The following MACC1 variants were observed in gnomAD, a reference collection of about 807,000 sequenced individuals.
MACC1 encodes metastasis-associated in colon cancer protein 1.
In MACC1, 79 loss-of-function variants were observed where a neutral mutation model predicts 70.7. That is an observed-to-expected ratio of 1.12 (90% CI 0.93 to 1.35). The LOEUF (loss-of-function observed/expected upper bound fraction) is 1.35, where lower values mean the gene tolerates loss of function less well. MACC1 is among the 40% of genes most tolerant of loss of function. The pLI, the probability that MACC1 is intolerant of heterozygous loss-of-function variation, is 0.00. For missense variants in MACC1, 1,106 were observed against 978.1 expected (o/e 1.13, Z -1.74); for synonymous variants, 361 against 347.2 (o/e 1.04, Z -0.44).
Position 20,160,250 on chromosome 7 carries a change from T to C in MACC1, c.116-5A>G, listed in dbSNP as rs1365970575. 3 of 1,537,494 alleles carry C rather than the reference T, an allele frequency of 2.0e-6. No homozygotes were observed. The highest frequency in any genetic ancestry group is 2.6e-6 in the Non-Finnish European group (3 of 1,149,558). On this transcript the variant is annotated splice_region_variant and splice_polypyrimidine_tract_variant and intron_variant, in intron 4 of 6. Coordinates refer to ENST00000400331, the MANE Select transcript of MACC1 (RefSeq NM_182762.4). ...GCAAGTCTGGGTCCTGGCATTCTTGTTATTTAAGGAAAGACAAAGCAAAAC... is the reference window on the plus strand; with the variant it reads ...GCAAGTCTGGGTCCTGGCATTCTTGCTATTTAAGGAAAGACAAAGCAAAAC...
chr7:20,159,818 A>C lies in MACC1; in HGVS notation c.543T>G (p.Ala181=). The change falls in exon 5 of 7, where the codon GCT becomes GCG. Residue 181 remains alanine, a synonymous_variant. Transcript: ENST00000400331. ...LKNDREAYKM[A]WLSQRQLARS... is the part of the protein sequence containing the mutation. ...GGGCCAGCTGGCGTTGACTTAACCA[A>C]GCCATTTTATAAGCCTCCCGATCAT... 6.2e-7 allele frequency: 1 copy of C among 1,614,148 alleles called. No individual in the cohort carries two copies. The highest frequency in any genetic ancestry group is 8.5e-7 in the Non-Finnish European group (1 of 1,180,030).
chr7:20,190,461 T>C (rs1020472595), intron 1 of MACC1, among the ~76,000 whole-genome samples: 14 of 152,236 alleles, frequency 9.2e-5, no homozygotes, highest in Admixed American at 3.3e-4. Context: ...TGAAAAACTT[T>C]CTCAATATAA....
intron 6 of MACC1, among the ~76,000 whole-genome samples, chr7:20,147,234 G>A (rs1265567348): frequency 1.3e-5 from 2 of 152,156 alleles, no homozygotes; most frequent in Admixed American, 1.3e-4. Context: ...AGACTCATTA[G>A]AAAATGCACT....
intron 1 of MACC1, among the ~76,000 whole-genome samples, chr7:20,188,612 A>G (rs1234725290): frequency 1.3e-5 from 2 of 152,088 alleles, no homozygotes; most frequent in Non-Finnish European, 2.9e-5. Context: ...GCACACACAC[A>G]AAGTACTTTC....
In MACC1 at chr7:20,140,789, A is replaced by T; in HGVS notation, c.*157T>A. 1.9e-6 allele frequency: 1 copy of T among 525,748 alleles called. No individual in the cohort carries two copies. The highest frequency in any genetic ancestry group is 3.2e-6 in the Non-Finnish European group (1 of 315,722). 32.6% of individuals were successfully genotyped at this position (525,748 alleles called of 1,614,324 possible). ...AAAATTAATATAATGCTTTTCTGAG[A>T]TTCTTTCTTTCCTACACACACACAC... is the stretch of plus-strand genomic sequence containing the variant. On this transcript the variant is annotated 3_prime_UTR_variant, in exon 7 of 7. Coordinates refer to ENST00000400331, the MANE Select transcript of MACC1 (RefSeq NM_182762.4).
In MACC1 at chr7:20,138,181, A is replaced by T. The variant is rs1781746062; in HGVS notation, c.*2765T>A. On this transcript the variant is annotated 3_prime_UTR_variant, in exon 7 of 7. Coordinates refer to ENST00000400331, the MANE Select transcript of MACC1 (RefSeq NM_182762.4). ...AAAAAAAAAAAAAAAAAAAAAAAAA[A>T]ATTTCCCCTGGAAGGATTTGTTACA... 1 of 143,098 alleles carries T rather than the reference A, an allele frequency of 7.0e-6. No individual in the cohort carries two copies. The highest frequency in any genetic ancestry group is 6.9e-5 in the Admixed American group (1 of 14,440). The allele number at this position is 143,098 out of a possible 1,614,324, so 8.9% of individuals were successfully genotyped here. A position where few individuals can be genotyped will look rare whatever the true frequency, so the allele number is the denominator to read the frequency against.
chr7:20,199,678 AT>A (rs1782804887), intron 1 of MACC1, among the ~76,000 whole-genome samples: 1 of 152,222 alleles, frequency 6.6e-6, no homozygotes, highest in Non-Finnish European at 1.5e-5. Flanking sequence ...CTAACATGAA[AT>A]TAGAAACCAA....
At position 20,159,180 on chromosome 7, in the gene MACC1, T is replaced by C. The variant is rs751522748; in HGVS notation, c.1181A>G (p.Asn394Ser). The change falls in exon 5 of 7, where the codon AAT (asparagine) becomes AGT (serine). Residue 394 changes from asparagine to serine, a missense_variant. By Grantham distance (46) the Asn-to-Ser change is conservative. Coordinates refer to ENST00000400331, the MANE Select transcript of MACC1 (RefSeq NM_182762.4). The stretch of plus-strand genomic sequence containing the variant: ...AATTGTAAGCTGTCCTGGCATATAA[T>C]TGTGTCCACAAACTGTTAAAACAAC... ...FTVVLTVCGH[N>S]YMPGQLTISD... The C allele has an allele frequency of 1.6e-5, 26 of 1,614,094 alleles. No homozygotes were observed. Among genetic ancestry groups the C allele is most frequent in the Non-Finnish European group, 2.2e-5 (26 of 1,180,014 alleles).
At chr7:20,151,889 G>A (rs1022906497) in intron 6 of MACC1, among the ~76,000 whole-genome samples, 16 of 152,250 alleles carry the variant, frequency 1.1e-4, no homozygotes, top group African/African-American at 3.6e-4. Context: ...TGGACAGAGT[G>A]TAATGGTTAA....
chr7:20,196,354 G>T (rs1233221618), intron 1 of MACC1, among the ~76,000 whole-genome samples: 1 of 151,912 alleles, frequency 6.6e-6, no homozygotes, highest in Non-Finnish European at 1.5e-5. Context: ...CTAATTTTTT[G>T]TATTTTTAGT....
chr7:20,158,459 A>T lies in MACC1; in HGVS notation c.1902T>A (p.Asn634Lys), dbSNP rs370999014. The change falls in exon 5 of 7, where the codon AAT (asparagine) becomes AAA (lysine). Residue 634 changes from asparagine to lysine, a missense_variant. Transcript: ENST00000400331. ...AAGGCAGGACAATCTGTTCAAGAAG[A>T]TTTCTGGTTGTAAAGACACTATCTG... ...FMSDSVFTTR[N>K]LLEQIVLPLK... The T allele has an allele frequency of 6.2e-7, 1 of 1,614,066 alleles. No individual in the cohort carries two copies. Among genetic ancestry groups the T allele is most frequent in the Non-Finnish European group, 8.5e-7 (1 of 1,179,994 alleles).
chr7:20,180,319 C>T (rs1205778291), intron 1 of MACC1, among the ~76,000 whole-genome samples: 1 of 151,202 alleles, frequency 6.6e-6, no homozygotes, highest in Non-Finnish European at 1.5e-5. Flanking sequence ...GGCACGTGCC[C>T]GTAGTCCCAG....
At chr7:20,165,704 T>C (rs1013156284) in intron 2 of MACC1, among the ~76,000 whole-genome samples, 5 of 152,218 alleles carry the variant, frequency 3.3e-5, no homozygotes, top group African/African-American at 9.6e-5. Context: ...ATTTTTTTTT[T>C]TACTTTATCT....
At chr7:20,146,248 T>G (rs1233947105) in intron 6 of MACC1, among the ~76,000 whole-genome samples, 1 of 152,158 alleles carries the variant, frequency 6.6e-6, no homozygotes, top group Non-Finnish European at 1.5e-5. Context: ...GCTAATCAGT[T>G]GTTTAATTGT....
intron 6 of MACC1, chr7:20,141,939 A>ACACG (rs1554287222): frequency 1.4e-5 from 2 of 140,802 alleles, no homozygotes; most frequent in Non-Finnish European, 3.1e-5. Context: ...ACACACACAC[A>ACACG]CGCACACACA....
chr7:20,197,022 T>G (rs530683602), intron 1 of MACC1, among the ~76,000 whole-genome samples: 1 of 152,302 alleles, frequency 6.6e-6, no homozygotes, highest in African/African-American at 2.4e-5. Flanking sequence ...TTGCAAATTA[T>G]CTATAAACAT....
intron 1 of MACC1, among the ~76,000 whole-genome samples, chr7:20,195,587 C>A (rs538544595): frequency 9.8e-5 from 15 of 152,288 alleles, no homozygotes; most frequent in African/African-American, 3.6e-4. Context: ...AAATGTACTA[C>A]AATTAGGCCC....
chr7:20,178,125 C>T (rs1184918752), intron 1 of MACC1, among the ~76,000 whole-genome samples: 2 of 151,984 alleles, frequency 1.3e-5, no homozygotes, highest in Admixed American at 6.6e-5. Flanking sequence ...TACCTACTTA[C>T]TTATAAATAT....
At chr7:20,171,876 C>G (rs1264631767) in intron 1 of MACC1, among the ~76,000 whole-genome samples, 1 of 152,132 alleles carries the variant, frequency 6.6e-6, no homozygotes, top group Non-Finnish European at 1.5e-5. Flanking sequence ...TCACTTATTT[C>G]AACACGGTAT....
Sources: gnomAD v4.1 joint callset for allele counts (sites outside exome capture counted in the v4.1 genomes callset) on GRCh38, gnomAD v4.1.1 for gene constraint, MANE v1.5 for transcripts, NCBI Gene and HGNC (gene_info 2026-07-23, HGNC 2026-07-21) for gene names.